The following WDR27 variants were observed in gnomAD, a reference collection of about 807,000 sequenced individuals.
The protein encoded by WDR27 is WD repeat-containing protein 27.
Under a neutral mutation model 114.4 loss-of-function variants are expected in WDR27, and 100 were observed. The ratio of observed to expected loss-of-function variants is 0.87; its 90% CI spans 0.74 to 1.03. The LOEUF is 1.03. WDR27 is among the 50% of genes least tolerant of loss of function. The probability of loss-of-function intolerance (pLI) is 0.00; values close to 1 mark genes in which losing one functional copy is unlikely to be tolerated. For synonymous variants in WDR27, 449 were observed against 423.1 expected, an observed-to-expected ratio of 1.06 and a Z score of -0.75; for missense variants, 1,129 against 1,092.9, an observed-to-expected ratio of 1.03 and a Z score of -0.47.
At chr6:169,460,336 G>A (rs1784761629) in intron 25 of WDR27, among the ~76,000 whole-genome samples, 1 of 152,086 alleles carries the variant, frequency 6.6e-6, no homozygotes, top group Non-Finnish European at 1.5e-5. Flanking sequence ...ATAATTTTTT[G>A]TGTTACTGAA....
chr6:169,660,628 T>C (rs1207677439), intron 10 of WDR27, 35 bp downstream of exon 10: 2 of 1,562,580 alleles, frequency 1.3e-6, no homozygotes, highest in Middle Eastern at 1.7e-4. Flanking sequence ...AAGGAAAACA[T>C]TACAGTTACA....
intron 22 of WDR27, among the ~76,000 whole-genome samples, chr6:169,605,444 A>G (rs1424213663): frequency 2.0e-5 from 3 of 151,976 alleles, no homozygotes; most frequent in Non-Finnish European, 4.4e-5. Flanking sequence ...TAAAACATCA[A>G]TGAAAGAAAC....
At chr6:169,481,420 C>A (rs757780657) in intron 25 of WDR27, among the ~76,000 whole-genome samples, 1 of 152,250 alleles carries the variant, frequency 6.6e-6, no homozygotes, top group Non-Finnish European at 1.5e-5. Flanking sequence ...TAAAAGCAGG[C>A]TGCCCAAGCC....
At chr6:169,437,515 G>GA in the WDR27 span, among the ~76,000 whole-genome samples, 6 of 151,798 alleles carry the variant, frequency 4.0e-5, no homozygotes, top group Non-Finnish European at 7.4e-5. Flanking sequence ...CTTCATGTAG[G>GA]AAAAAAATTC....
At chr6:169,438,045 G>A in the WDR27 span, among the ~76,000 whole-genome samples, 1 of 151,970 alleles carries the variant, frequency 6.6e-6, no homozygotes, top group Non-Finnish European at 1.5e-5. Flanking sequence ...TTCAACCCAT[G>A]CCCTCCTTCT....
At chr6:169,450,805 G>T in the WDR27 span, among the ~76,000 whole-genome samples, 12 of 152,146 alleles carry the variant, frequency 7.9e-5, no homozygotes, top group African/African-American at 2.7e-4. Flanking sequence ...AGGATCAGCG[G>T]TTTGCTCCTT....
At chr6:169,569,170 C>T (rs1176330962) in intron 25 of WDR27, among the ~76,000 whole-genome samples, 2 of 152,150 alleles carry the variant, frequency 1.3e-5, no homozygotes, top group African/African-American at 2.4e-5. Flanking sequence ...TTCTGATGCA[C>T]CAAGATGGTT....
At chr6:169,578,060 T>C (rs1442217190) in intron 24 of WDR27, among the ~76,000 whole-genome samples, 1 of 152,180 alleles carries the variant, frequency 6.6e-6, no homozygotes. Flanking sequence ...AACGCGTTTC[T>C]CTAATGTGTG....
intron 22 of WDR27, among the ~76,000 whole-genome samples, chr6:169,604,576 G>A (rs1808722272): frequency 6.6e-6 from 1 of 151,990 alleles, no homozygotes; most frequent in Non-Finnish European, 1.5e-5. Flanking sequence ...CAAGAAGAAG[G>A]GAATGCTCCC....
At position 169,658,344 on chromosome 6, in the gene WDR27, G is replaced by A. The variant is rs1246678266; in HGVS notation, c.1334C>T (p.Pro445Leu). 5.0e-6 allele frequency: 8 copies of A among 1,597,432 alleles called. No homozygotes were observed. The highest frequency in any genetic ancestry group is 1.7e-5 in the Admixed American group (1 of 57,770). ...LSVPASSCVL[P>L]TSPLYLGIAK... ...AATTCCCAGATACAGTGGAGAGGTCGGTAGGACACAGGAGCTGAAACAGAA... is the reference window on the plus strand; with the variant it reads ...AATTCCCAGATACAGTGGAGAGGTCAGTAGGACACAGGAGCTGAAACAGAA... Residue 445 changes from proline (P) to leucine (L), a missense_variant, in exon 13 of 26, where the codon CCG (proline) becomes CTG (leucine). Transcript: ENST00000448612.
intron 21 of WDR27, among the ~76,000 whole-genome samples, chr6:169,625,829 C>A (rs917877124): frequency 1.3e-5 from 2 of 152,170 alleles, no homozygotes; most frequent in African/African-American, 4.8e-5. Flanking sequence ...GAGACCAGAG[C>A]CCGCCTCTTC....
At chr6:169,522,759 T>C (rs1456220094) in intron 25 of WDR27, among the ~76,000 whole-genome samples, 1 of 151,652 alleles carries the variant, frequency 6.6e-6, no homozygotes, top group African/African-American at 2.4e-5. Context: ...TTTAAAAATA[T>C]CTTAAAAAAA....
intron 25 of WDR27, among the ~76,000 whole-genome samples, chr6:169,467,648 C>T (rs1305653744): frequency 6.6e-6 from 1 of 152,186 alleles, no homozygotes; most frequent in Non-Finnish European, 1.5e-5. Context: ...GCAGCAAAGC[C>T]CTGGGACCAG....
chr6:169,521,577 A>C (rs917422711), intron 25 of WDR27, among the ~76,000 whole-genome samples: 2 of 152,092 alleles, frequency 1.3e-5, no homozygotes, highest in African/African-American at 2.4e-5. Flanking sequence ...AAATATTTCA[A>C]AAACAATAAT....
At chr6:169,674,211 C>G (rs766983293) in intron 2 of WDR27, among the ~76,000 whole-genome samples, 3 of 151,926 alleles carry the variant, frequency 2.0e-5, no homozygotes, top group Non-Finnish European at 4.4e-5. Flanking sequence ...ACCATTTAGT[C>G]AAAAACAAAG....
intron 1 of WDR27, among the ~76,000 whole-genome samples, chr6:169,691,251 A>C (rs960896091): frequency 3.3e-5 from 5 of 152,184 alleles, no homozygotes; most frequent in Non-Finnish European, 7.4e-5. Context: ...AAAAAAACGT[A>C]ATTTTTAAAG....
At chr6:169,685,389 AAAT>A (rs1782646830) in intron 2 of WDR27, among the ~76,000 whole-genome samples, 1 of 152,200 alleles carries the variant, frequency 6.6e-6, no homozygotes, top group Non-Finnish European at 1.5e-5. Flanking sequence ...AAAGAATTCA[AAAT>A]AATAATTTTA....
intron 1 of WDR27, among the ~76,000 whole-genome samples, chr6:169,699,609 G>A (rs555363907): frequency 1.3e-5 from 2 of 152,274 alleles, no homozygotes; most frequent in South Asian, 2.1e-4. Flanking sequence ...AGTGAGCTAT[G>A]GCAGCCTTCC....
the WDR27 span, among the ~76,000 whole-genome samples, chr6:169,446,431 G>A: frequency 6.6e-6 from 1 of 152,202 alleles, no homozygotes; most frequent in Admixed American, 6.5e-5. Context: ...GGCACAAGGC[G>A]AGGTCTGGCT....
Sources: allele counts gnomAD v4.1 joint callset (sites outside exome capture counted in the v4.1 genomes callset), GRCh38; gene constraint gnomAD v4.1.1; transcripts MANE v1.5; gene names NCBI Gene and HGNC (gene_info 2026-07-23, HGNC 2026-07-21).